The following CTNNA2 variants were observed in gnomAD, a reference collection of about 807,000 sequenced individuals.
CTNNA2 encodes the protein catenin alpha-2.
Under a neutral mutation model 101.0 loss-of-function variants are expected in CTNNA2, and 42 were observed. The observed-to-expected ratio is 0.42, with a 90% CI of 0.32 to 0.54. The LOEUF (loss-of-function observed/expected upper bound fraction) is 0.54. CTNNA2 is among the 20% of genes least tolerant of loss of function. The pLI, the probability that CTNNA2 is intolerant of heterozygous loss-of-function variation, is 0.14. For missense variants in CTNNA2, 871 were observed against 1,223.1 expected, an observed-to-expected ratio of 0.71 and a Z score of 4.29; for synonymous variants, 450 against 456.4, an observed-to-expected ratio of 0.99 and a Z score of 0.18.
chr2:79,874,419 G>C (rs1682845302), intron 6 of CTNNA2, 77 bp downstream of exon 6: 1,860 of 1,342,994 alleles, frequency 1.4e-3, no homozygotes, highest in Non-Finnish European at 1.8e-3. Context: ...AGGATGAAGG[G>C]CCACTACAAT....
intron 12 of CTNNA2, among the ~76,000 whole-genome samples, chr2:80,570,301 G>A (rs570502056): frequency 6.6e-6 from 1 of 152,294 alleles, no homozygotes; most frequent in East Asian, 1.9e-4. Context: ...CACCCACCTT[G>A]GCTTCCCAAA....
At chr2:79,690,311 G>C (rs1365864999) in intron 2 of CTNNA2, among the ~76,000 whole-genome samples, 1 of 151,900 alleles carries the variant, frequency 6.6e-6, no homozygotes, top group Non-Finnish European at 1.5e-5. Flanking sequence ...GAAAATAACT[G>C]ATATTCTATT....
rs538979310 is a variant in CTNNA2, at chr2:79,625,671, A to G, written c.-5-25881A>G. 2.0e-5 allele frequency among the ~76,000 whole-genome samples: 3 copies of G among 152,270 alleles called. No individual in the cohort carries two copies. In the South Asian group the frequency reaches 6.2e-4, roughly 32 times the overall value. On this transcript the variant is annotated intron_variant, in intron 1 of 18. Coordinates refer to ENST00000402739, the MANE Select transcript of CTNNA2 (RefSeq NM_001282597.3). ...AGGGGCCTGGAGAAGCAGCAAAAAGACCAGGAACTAGACAGACTCCAGGCT... is the reference window on the plus strand; with the variant it reads ...AGGGGCCTGGAGAAGCAGCAAAAAGGCCAGGAACTAGACAGACTCCAGGCT...
intron 9 of CTNNA2, among the ~76,000 whole-genome samples, chr2:80,485,473 C>T (rs1686499421): frequency 6.6e-6 from 1 of 152,132 alleles, no homozygotes; most frequent in Admixed American, 6.5e-5. Context: ...TGAGGACATC[C>T]AGCCTGACAA....
At chr2:79,863,360 A>G (rs1389497092) in intron 4 of CTNNA2, among the ~76,000 whole-genome samples, 2 of 152,180 alleles carry the variant, frequency 1.3e-5, no homozygotes, top group African/African-American at 4.8e-5. Context: ...AGAAAGGATG[A>G]TGTGGTTGGG....
intron 2 of CTNNA2, among the ~76,000 whole-genome samples, chr2:79,239,264 G>A (rs778534510): frequency 1.2e-4 from 18 of 152,216 alleles, no homozygotes; most frequent in Non-Finnish European, 2.5e-4. Flanking sequence ...TACAGAAACC[G>A]ACACATAGAC....
At chr2:80,142,244 A>G (rs1415246980) in intron 7 of CTNNA2, among the ~76,000 whole-genome samples, 2 of 152,030 alleles carry the variant, frequency 1.3e-5, no homozygotes, top group African/African-American at 4.8e-5. Flanking sequence ...CTGCCTCCCC[A>G]CCTTTAAAAA....
intron 7 of CTNNA2, among the ~76,000 whole-genome samples, chr2:79,984,309 A>C (rs1257699314): frequency 6.6e-6 from 1 of 152,176 alleles, no homozygotes; most frequent in Admixed American, 6.5e-5. Context: ...ACATTGAGCA[A>C]GTTAGTGTTG....
intron 6 of CTNNA2, among the ~76,000 whole-genome samples, chr2:79,878,969 C>A (rs535543412): frequency 1.3e-5 from 2 of 152,248 alleles, no homozygotes; most frequent in South Asian, 4.1e-4. Context: ...ACATTTAAGT[C>A]TTTAATACAT....
At chr2:80,558,549 A>T (rs1693261980) in intron 12 of CTNNA2, among the ~76,000 whole-genome samples, 2 of 152,048 alleles carry the variant, frequency 1.3e-5, no homozygotes, top group African/African-American at 2.4e-5. Flanking sequence ...TGCTAAGGAG[A>T]CATAAGATAT....
intron 9 of CTNNA2, among the ~76,000 whole-genome samples, chr2:80,472,915 C>T (rs1685422861): frequency 6.6e-6 from 1 of 152,122 alleles, no homozygotes; most frequent in South Asian, 2.1e-4. Flanking sequence ...AGGATGAGGT[C>T]TGCCTCGCCC....
chr2:79,909,550 C>T, intron 6 of CTNNA2, 44 bp from the exon 7 acceptor site: 1 of 1,526,124 alleles, frequency 6.6e-7, no homozygotes, highest in Non-Finnish European at 9.0e-7. Context: ...AGGCAGACCT[C>T]TCTTCTCTGC....
At chr2:79,306,352 T>A (rs187362462) in intron 2 of CTNNA2, among the ~76,000 whole-genome samples, 36 of 152,266 alleles carry the variant, frequency 2.4e-4, no homozygotes, top group African/African-American at 7.0e-4. Flanking sequence ...ACTAAATAGA[T>A]GTTGTGTTGT....
At chr2:80,312,331 C>T (rs377242192) in intron 7 of CTNNA2, among the ~76,000 whole-genome samples, 6 of 151,980 alleles carry the variant, frequency 3.9e-5, no homozygotes, top group South Asian at 2.1e-4. Context: ...TTAAAGAGGG[C>T]GGGGGTATGA....
At chr2:80,115,468 A>C (rs1017154486) in intron 7 of CTNNA2, among the ~76,000 whole-genome samples, 14 of 152,234 alleles carry the variant, frequency 9.2e-5, no homozygotes, top group Non-Finnish European at 5.9e-5. Context: ...CAAGGAGCTG[A>C]TAATTTTAAA....
At chr2:79,862,314 G>A (rs1681686413) in intron 4 of CTNNA2, among the ~76,000 whole-genome samples, 1 of 152,010 alleles carries the variant, frequency 6.6e-6, no homozygotes, top group East Asian at 1.9e-4. Context: ...TAGTGCTGCT[G>A]TTCTAATGTG....
At chr2:80,569,792 G>A (rs557012022) in intron 12 of CTNNA2, among the ~76,000 whole-genome samples, 42 of 150,890 alleles carry the variant, frequency 2.8e-4, no homozygotes, top group South Asian at 8.4e-4. Context: ...ACAGGCACCC[G>A]CCACCACACC....
intron 16 of CTNNA2, among the ~76,000 whole-genome samples, chr2:80,607,359 G>C (rs2149782899): frequency 6.6e-6 from 1 of 151,986 alleles, no homozygotes; most frequent in African/African-American, 2.4e-5. Context: ...TTCCTCGGTA[G>C]CCATTGGCAA....
At chr2:80,402,267 C>T (rs112553651) in intron 8 of CTNNA2, among the ~76,000 whole-genome samples, 2,210 of 152,294 alleles carry the variant, frequency 0.015, 41 homozygotes, top group African/African-American at 0.036. Context: ...CCCTGTACTT[C>T]CATTTTTTCA....
Sources: allele counts gnomAD v4.1 joint callset (sites outside exome capture counted in the v4.1 genomes callset), GRCh38; gene constraint gnomAD v4.1.1; transcripts MANE v1.5; gene names NCBI Gene and HGNC (gene_info 2026-07-23, HGNC 2026-07-21).